GALNT6: variants seen among roughly 807,000 people sequenced by gnomAD.
The protein encoded by GALNT6 is GalNAc transferase 6.
GALNT6 carries 51 observed loss-of-function variants against 65.9 expected under a neutral mutation model. The observed-to-expected ratio is 0.77, with a 90% CI of 0.62 to 0.98. The LOEUF is 0.98. Ranked by LOEUF, GALNT6 falls within the 50% of genes least tolerant of loss-of-function variation. GALNT6 has a pLI of 0.00. For missense variants in GALNT6, 708 were observed against 803.3 expected (o/e 0.88, Z 1.43); for synonymous variants, 323 against 315.1 (o/e 1.02, Z -0.26).
intron 4 of GALNT6, 93 bp downstream of exon 4, chr12:51,377,098 CATGA>C: frequency 9.9e-7 from 1 of 1,009,398 alleles, no homozygotes; most frequent in African/African-American, 1.6e-5. Flanking sequence ...GCAACAGGCT[CATGA>C]GGTGGTGCCT....
intron 2 of GALNT6, among the ~76,000 whole-genome samples, chr12:51,380,723 A>G (rs559169015): frequency 1.1e-4 from 17 of 152,250 alleles, no homozygotes; most frequent in African/African-American, 3.6e-4. Flanking sequence ...CCCGGGAGGC[A>G]GAGGTTGCAG....
intron 3 of GALNT6, 57 bp from the exon 4 acceptor site, chr12:51,377,424 G>C: frequency 6.7e-7 from 1 of 1,501,214 alleles, no homozygotes; most frequent in South Asian, 1.2e-5. Flanking sequence ...ACCAGGTGTG[G>C]GGAGGGCCCC....
Position 51,352,602 on chromosome 12 carries a change from C to T in GALNT6, c.*1777G>A, listed in dbSNP as rs1481986824. On this transcript the variant is annotated 3_prime_UTR_variant, in exon 12 of 12. Coordinates refer to ENST00000356317, the MANE Select transcript of GALNT6 (RefSeq NM_007210.4). ...ACCTGAGAATCACTGGCTCCAGGAG[C>T]TTTCTTTTAACACTAACATCCCAGG... is the stretch of plus-strand genomic sequence containing the variant. 6.6e-6 allele frequency: 1 copy of T among 152,162 alleles called. No homozygotes were observed. The highest frequency in any genetic ancestry group is 2.4e-5 in the African/African-American group (1 of 41,412). The allele number at this position is 152,162 out of a possible 1,614,324, so 9.4% of individuals were successfully genotyped here.
In GALNT6 at chr12:51,379,173, C is replaced by A. The variant is rs570725627; in HGVS notation, c.491+118G>T. ...AGTGAGGCATAGAGGAGATCCTTGC[C>A]CATATTATAAAATTCCCTTCAACTC... On this transcript the variant is annotated intron_variant, in intron 3 of 11. Transcript: ENST00000356317. The A allele has an allele frequency of 2.1e-5, 21 of 1,009,222 alleles. No individual in the cohort carries two copies. In the South Asian group the frequency reaches 4.2e-4, roughly 20 times the overall value. The allele number at this position is 1,009,222 out of a possible 1,614,324, so 62.5% of individuals were successfully genotyped here.
Position 51,357,435 on chromosome 12 carries a change from T to C in GALNT6, c.1516A>G (p.Thr506Ala). The change falls in exon 10 of 12, where the codon ACC becomes GCC. Residue 506 changes from threonine (T) to alanine (A), a missense_variant. Coordinates refer to ENST00000356317, the MANE Select transcript of GALNT6 (RefSeq NM_007210.4). Reference sequence around the variant, plus strand: ...TCACCCACATCCAGGCATTGGTTGGTGCCGAGGTTCTTGATCTGCAGAAGG... The same window carrying C: ...TCACCCACATCCAGGCATTGGTTGGCGCCGAGGTTCTTGATCTGCAGAAGG... ...TFYGAIKNLG[T>A]NQCLDVGENN... The C allele has an allele frequency of 6.2e-7, 1 of 1,613,590 alleles. No homozygotes were observed. Among genetic ancestry groups the C allele is most frequent in the East Asian group, 2.2e-5 (1 of 44,870 alleles).
rs1177531321 is a variant in GALNT6, at chr12:51,351,980, C to T, written c.*2399G>A. ...TACTCCAGGTCGTACCCTGGCCACT[C>T]CTTTCCTTTTGGCTGGCCAATGTCT... On this transcript the variant is annotated 3_prime_UTR_variant, in exon 12 of 12. Coordinates refer to ENST00000356317, the MANE Select transcript of GALNT6 (RefSeq NM_007210.4). 6.6e-6 allele frequency: 1 copy of T among 152,274 alleles called. No homozygotes were observed. Among genetic ancestry groups the T allele is most frequent in the African/African-American group, 2.4e-5 (1 of 41,546 alleles). The allele number at this position is 152,274 out of a possible 1,614,324, so 9.4% of individuals were successfully genotyped here.
intron 4 of GALNT6, among the ~76,000 whole-genome samples, chr12:51,372,070 T>A (rs2137670751): frequency 6.6e-6 from 1 of 152,302 alleles, no homozygotes; most frequent in East Asian, 1.9e-4. Flanking sequence ...ACAAATTCCC[T>A]GGAATTAAAT....
At chr12:51,386,916 T>G in intron 2 of GALNT6, among the ~76,000 whole-genome samples, 1 of 152,186 alleles carries the variant, frequency 6.6e-6, no homozygotes, top group Non-Finnish European at 1.5e-5. Context: ...CTGACCCTTT[T>G]GATCACAGAA....
chr12:51,358,062 T>G, intron 9 of GALNT6, 68 bp downstream of exon 9: 1 of 1,427,818 alleles, frequency 7.0e-7, no homozygotes, highest in Non-Finnish European at 9.8e-7. Context: ...ATCTGTGGGG[T>G]CAGTGGTCTT....
At chr12:51,370,530 AT>A (rs1208610489) in intron 4 of GALNT6, among the ~76,000 whole-genome samples, 1 of 152,266 alleles carries the variant, frequency 6.6e-6, no homozygotes, top group Non-Finnish European at 1.5e-5. Flanking sequence ...CTCAAAAAAA[AT>A]AAAGTAAATT....
Position 51,365,591 on chromosome 12 carries a change from A to G in GALNT6, c.665-12T>C. The G allele has an allele frequency of 1.2e-6, 2 of 1,612,376 alleles. No individual in the cohort carries two copies. The highest frequency in any genetic ancestry group is 1.7e-4 in the Middle Eastern group (1 of 5,968). On this transcript the variant is annotated splice_polypyrimidine_tract_variant and intron_variant, in intron 4 of 11. Coordinates refer to ENST00000356317, the MANE Select transcript of GALNT6 (RefSeq NM_007210.4). ...CTCCTTTAGGTGCTCTGGAAGGGAC[A>G]GTGTCATTGTGGCCAGTCCACCACT...
chr12:51,370,274 G>A (rs1428646411), intron 4 of GALNT6, among the ~76,000 whole-genome samples: 1 of 152,248 alleles, frequency 6.6e-6, no homozygotes, highest in Non-Finnish European at 1.5e-5. Context: ...GCCGGGTTTG[G>A]TGGCTCACGC....
At chr12:51,365,289 G>C in intron 5 of GALNT6, 141 bp downstream of exon 5, 1 of 682,986 alleles carries the variant, frequency 1.5e-6, no homozygotes. Flanking sequence ...GAAAGGGGTA[G>C]AGGCACCTGG....
intron 4 of GALNT6, among the ~76,000 whole-genome samples, chr12:51,374,670 G>T (rs111574582): frequency 7.9e-5 from 12 of 152,232 alleles, no homozygotes; most frequent in African/African-American, 2.9e-4. Context: ...GAGAGCCCCA[G>T]ACACCACATG....
At chr12:51,357,238 A>G (rs1484471353) in intron 10 of GALNT6, 111 bp downstream of exon 10, 2 of 680,822 alleles carry the variant, frequency 2.9e-6, no homozygotes, top group Non-Finnish European at 5.3e-6. Context: ...AAGCTTCCTG[A>G]GGGCAGGGAT....
intron 4 of GALNT6, among the ~76,000 whole-genome samples, chr12:51,372,787 C>T (rs1206838495): frequency 6.6e-6 from 1 of 152,228 alleles, no homozygotes; most frequent in African/African-American, 2.4e-5. Context: ...TTGCAGCTCA[C>T]AGAGTCACAA....
rs907974865 is a variant in GALNT6 at position 51,387,495 on chromosome 12, C to T, written c.-104+3355G>A. On this transcript the variant is annotated intron_variant, in intron 2 of 11. Coordinates refer to ENST00000356317, the MANE Select transcript of GALNT6 (RefSeq NM_007210.4). This position sits in a 1 kb window ranked among gnomAD's most constrained non-coding sequence, Gnocchi z 4.2. ...GCTCACCACTGTATACCTAGAGCAG[C>T]GCTTGGCATGTGGTAGGCACTTGGT... 1.3e-5 allele frequency among the ~76,000 whole-genome samples: 2 copies of T among 152,162 alleles called. No homozygotes were observed. The highest frequency in any genetic ancestry group is 6.5e-5 in the Admixed American group (1 of 15,282).
At chr12:51,386,960 C>T (rs1243281093) in intron 2 of GALNT6, among the ~76,000 whole-genome samples, 1 of 152,154 alleles carries the variant, frequency 6.6e-6, no homozygotes, top group Non-Finnish European at 1.5e-5. Context: ...CGTAATTACA[C>T]CTTCAAGACA....
chr12:51,354,323 A>G lies in GALNT6; in HGVS notation c.*56T>C. The G allele has an allele frequency of 1.0e-6, 1 of 984,108 alleles. No individual in the cohort carries two copies. Among genetic ancestry groups the G allele is most frequent in the Non-Finnish European group, 1.5e-6 (1 of 664,914 alleles). The allele number at this position is 984,108 out of a possible 1,614,324, so 61.0% of individuals were successfully genotyped here. A position where few individuals can be genotyped will look rare whatever the true frequency, so the allele number is the denominator to read the frequency against. On this transcript the variant is annotated 3_prime_UTR_variant, in exon 12 of 12. Transcript: ENST00000356317. ...GCTGGTGATCAGGTTCCCAGACATC[A>G]GCAATCCTGTTTCCTGAGGAGCTTG...
Sources: gnomAD v4.1 joint callset for allele counts (sites outside exome capture counted in the v4.1 genomes callset) on GRCh38, gnomAD v4.1.1 for gene constraint, Gnocchi (gnomAD v3.1) non-coding constraint, MANE v1.5 for transcripts, NCBI Gene and HGNC (gene_info 2026-07-23, HGNC 2026-07-21) for gene names.